Variants in SLC35D1 observed in about 807,000 individuals in gnomAD.
SLC35D1 encodes the protein nucleotide sugar transporter SLC35D1.
Under a neutral mutation model 46.7 loss-of-function variants are expected in SLC35D1, and 31 were observed. The observed-to-expected ratio is 0.66, with a 90% CI of 0.50 to 0.90. The LOEUF (loss-of-function observed/expected upper bound fraction) is 0.90. SLC35D1 is among the 40% of genes least tolerant of loss of function. The pLI is 0.00. For missense variants in SLC35D1, 397 were observed against 426.2 expected (o/e 0.93, Z 0.60); for synonymous variants, 195 against 164.6 (o/e 1.18, Z -1.41).
At chr1:67,053,765 GC>G in intron 1 of SLC35D1, 45 bp downstream of exon 1, 2 of 1,437,394 alleles carry the variant, frequency 1.4e-6, no homozygotes. Flanking sequence ...CGCCGCCGCC[GC>G]CCGCTCCTCC....
chr1:67,042,148 C>G lies in SLC35D1; in HGVS notation c.729+88G>C, dbSNP rs534879239. The G allele has an allele frequency of 3.1e-6, 4 of 1,280,102 alleles. No homozygotes were observed. In the African/African-American group the frequency reaches 5.9e-5, roughly 19 times the overall value. 79.3% of individuals were successfully genotyped at this position (1,280,102 alleles called of 1,614,324 possible). ...TTTTGGTCACTTAATAAGCATATTT[C>G]TTTTGAACAACAAAGCCTATCTTTT... On this transcript the variant is annotated intron_variant, in intron 8 of 11. Transcript: ENST00000235345.
chr1:66,977,037 G>T, the SLC35D1 span, among the ~76,000 whole-genome samples: 1 of 151,930 alleles, frequency 6.6e-6, no homozygotes, highest in Non-Finnish European at 1.5e-5. Context: ...GAGAAGAAAT[G>T]GATCAGAACA....
At chr1:66,994,869 A>G (rs942160111), downstream of SLC35D1, among the ~76,000 whole-genome samples, 5 of 151,562 alleles carry the variant, frequency 3.3e-5, no homozygotes, top group Non-Finnish European at 7.4e-5. Context: ...AATTAAAAAA[A>G]TGTTCCCAAA....
At chr1:66,989,377 G>A in the SLC35D1 span, among the ~76,000 whole-genome samples, 1 of 152,224 alleles carries the variant, frequency 6.6e-6, no homozygotes. Flanking sequence ...AATTTGTAGA[G>A]TTCAGGTAGT....
intron 8 of SLC35D1, among the ~76,000 whole-genome samples, chr1:67,040,525 T>C (rs538172464): frequency 7.9e-4 from 120 of 152,354 alleles, no homozygotes; most frequent in African/African-American, 2.8e-3. Context: ...CTAATGTTTC[T>C]AAGGTCTTTG....
intron 8 of SLC35D1, 32 bp downstream of exon 8, chr1:67,042,199 CAACGT>C (rs1161165888): frequency 1.3e-6 from 2 of 1,513,480 alleles, no homozygotes; most frequent in East Asian, 4.5e-5. Context: ...TGCAGTTCAT[CAACGT>C]AAGCCATTAA....
the SLC35D1 span, among the ~76,000 whole-genome samples, chr1:66,990,254 A>AACAT: frequency 6.6e-6 from 1 of 152,126 alleles, no homozygotes; most frequent in Non-Finnish European, 1.5e-5. Flanking sequence ...ACACACCATG[A>AACAT]ACATACGTGG....
Position 67,053,007 on chromosome 1 carries a change from A to T in SLC35D1, c.204-18T>A. The T allele has an allele frequency of 6.2e-7, 1 of 1,613,828 alleles. No individual in the cohort carries two copies. Among genetic ancestry groups the T allele is most frequent in the African/African-American group, 1.3e-5 (1 of 75,044 alleles). On this transcript the variant is annotated intron_variant, in intron 1 of 11. Coordinates refer to ENST00000235345, the MANE Select transcript of SLC35D1 (RefSeq NM_015139.3). ...AGGGAAATCTACAAAAAGGGCAAAG[A>T]AAAAAACAAGATCAGAACAAACCTA...
At chr1:67,035,829 G>T in intron 8 of SLC35D1, among the ~76,000 whole-genome samples, 1 of 145,422 alleles carries the variant, frequency 6.9e-6, no homozygotes, top group Admixed American at 6.8e-5. Flanking sequence ...TTTGATGTAG[G>T]CATTTACAGT....
intron 6 of SLC35D1, among the ~76,000 whole-genome samples, chr1:67,047,831 T>TG (rs1170135281): frequency 6.6e-6 from 1 of 152,162 alleles, no homozygotes; most frequent in Non-Finnish European, 1.5e-5. Context: ...TTCTGAAGTG[T>TG]GGATCATGGT....
intron 10 of SLC35D1, among the ~76,000 whole-genome samples, chr1:67,010,228 T>C (rs1667536063): frequency 6.6e-6 from 1 of 152,184 alleles, no homozygotes; most frequent in African/African-American, 2.4e-5. Context: ...AGACTACCTG[T>C]TGAGTACTAT....
chr1:67,042,537 T>C (rs1645201292), intron 7 of SLC35D1, among the ~76,000 whole-genome samples: 1 of 152,182 alleles, frequency 6.6e-6, no homozygotes, highest in African/African-American at 2.4e-5. Flanking sequence ...TTACAAAATT[T>C]TATACTTACT....
chr1:67,011,965 A>G (rs1039120976), intron 10 of SLC35D1, among the ~76,000 whole-genome samples: 14 of 152,092 alleles, frequency 9.2e-5, no homozygotes, highest in Non-Finnish European at 1.8e-4. Context: ...AAATTAGGGT[A>G]CTGCTTGAGG....
the SLC35D1 span, chr1:66,984,593 G>T: frequency 6.2e-7 from 1 of 1,604,100 alleles, no homozygotes; most frequent in Admixed American, 1.7e-5. Flanking sequence ...AATGGACCAG[G>T]TGAAATATTA....
At chr1:67,019,814 C>A (rs1667760403) in intron 10 of SLC35D1, among the ~76,000 whole-genome samples, 1 of 152,166 alleles carries the variant, frequency 6.6e-6, no homozygotes, top group Non-Finnish European at 1.5e-5. Flanking sequence ...CCAACTTTAG[C>A]TCAATATTCA....
intron 1 of SLC35D1, 56 bp downstream of exon 1, chr1:67,053,741 AGCCGGCGCCGCGCC>A (rs1441117332): frequency 2.8e-5 from 38 of 1,344,088 alleles, no homozygotes; most frequent in Middle Eastern, 4.9e-4. Flanking sequence ...AAGTCCAGGG[AGCCGGCGCCGCGCC>A]GCCGCCGCCG....
chr1:67,053,079 C>A, intron 1 of SLC35D1, 90 bp from the exon 2 acceptor site: 1 of 1,391,562 alleles, frequency 7.2e-7, no homozygotes, highest in Non-Finnish European at 1.0e-6. Flanking sequence ...GTTAATAAGG[C>A]ATTCCGATAC....
At chr1:67,022,690 TTTG>T (rs1667834043) in intron 8 of SLC35D1, among the ~76,000 whole-genome samples, 1 of 152,240 alleles carries the variant, frequency 6.6e-6, no homozygotes, top group Non-Finnish European at 1.5e-5. Flanking sequence ...TTTATAGTTC[TTTG>T]TTGAGGTAGA....
At chr1:66,987,651 TA>T in the SLC35D1 span, 5 of 152,698 alleles carry the variant, frequency 3.3e-5, no homozygotes, top group African/African-American at 7.2e-5. Flanking sequence ...CTTATTAAAA[TA>T]TTTTTTTAAA....
Sources: allele counts gnomAD v4.1 joint callset (sites outside exome capture counted in the v4.1 genomes callset), GRCh38; gene constraint gnomAD v4.1.1; transcripts MANE v1.5; gene names NCBI Gene and HGNC (gene_info 2026-07-23, HGNC 2026-07-21).